SOX30: variants seen among roughly 807,000 people sequenced by gnomAD.
SOX30 encodes SRY-box transcription factor 30.
SOX30 carries 17 observed loss-of-function variants against 58.6 expected under a neutral mutation model. The ratio of observed to expected loss-of-function variants is 0.29; its 90% CI spans 0.20 to 0.44. The LOEUF (loss-of-function observed/expected upper bound fraction) is 0.44. Ranked by LOEUF, SOX30 falls within the 20% of genes least tolerant of loss-of-function variation. The pLI, the probability that SOX30 is intolerant of heterozygous loss-of-function variation, is 1.00. For synonymous variants in SOX30, 421 were observed against 400.2 expected, an observed-to-expected ratio of 1.05 and a Z score of -0.62; for missense variants, 951 against 965.8, an observed-to-expected ratio of 0.98 and a Z score of 0.20.
intron 2 of SOX30, among the ~76,000 whole-genome samples, chr5:157,662,827 T>A (rs1370246636): frequency 6.6e-6 from 1 of 152,220 alleles, no homozygotes; most frequent in African/African-American, 2.4e-5. Context: ...AACCTAGGTC[T>A]TCACAACCCT....
rs192793736 is a variant in SOX30 at position 157,638,437 on chromosome 5, G to A, written c.1673C>T (p.Ala558Val). The A allele has an allele frequency of 3.7e-6, 6 of 1,614,156 alleles. No homozygotes were observed. In the Admixed American group the frequency reaches 8.3e-5, roughly 22 times the overall value. Residue 558 changes from alanine to valine, a missense_variant, in exon 4 of 5, where the codon GCA becomes GTA. Around this residue, in one of 7 missense-constraint regions of SOX30, gnomAD observed 381 missense variants for 390.0 expected, o/e 0.98. Coordinates refer to ENST00000265007, the MANE Select transcript of SOX30 (RefSeq NM_178424.2). ...SSASTAHARFATSTIQPPREY... is the reference protein window; with the variant it reads ...SSASTAHARFVTSTIQPPREY... Reference sequence around the variant, plus strand: ...CCTAGGAGGTTGGATGGTCGAAGTTGCAAATCTGGCATGGGCAGTACTTGC... The same window carrying A: ...CCTAGGAGGTTGGATGGTCGAAGTTACAAATCTGGCATGGGCAGTACTTGC...
intron 3 of SOX30, 98 bp downstream of exon 3, chr5:157,646,539 C>T (rs1204642439): frequency 2.3e-6 from 2 of 880,612 alleles, no homozygotes; most frequent in African/African-American, 1.8e-5. Flanking sequence ...CATTGTTGTT[C>T]CAAATTCTTA....
At chr5:157,631,404 G>A (rs1053402610) in intron 4 of SOX30, among the ~76,000 whole-genome samples, 1 of 152,092 alleles carries the variant, frequency 6.6e-6, no homozygotes, top group Non-Finnish European at 1.5e-5. Context: ...TTCTATTCTT[G>A]AGCTTTGCTC....
At chr5:157,636,712 A>G (rs1758935297) in intron 4 of SOX30, among the ~76,000 whole-genome samples, 1 of 152,244 alleles carries the variant, frequency 6.6e-6, no homozygotes, top group Admixed American at 6.5e-5. Flanking sequence ...AGGTGTAGGT[A>G]TACCCTAATG....
intron 1 of SOX30, 106 bp from the exon 2 acceptor site, chr5:157,649,002 G>A: frequency 7.1e-7 from 1 of 1,415,790 alleles, no homozygotes; most frequent in Non-Finnish European, 9.4e-7. Flanking sequence ...GAAATATCTG[G>A]AGGAAATATA....
chr5:157,648,237 T>C (rs1022458388), intron 2 of SOX30, among the ~76,000 whole-genome samples: 1 of 152,198 alleles, frequency 6.6e-6, no homozygotes, highest in African/African-American at 2.4e-5. Context: ...CTGACAATCA[T>C]ATGTTAAAAT....
At chr5:157,671,479 A>G (rs554081740) in exon 1 of SOX30, 81 of 679,588 alleles carry the variant, frequency 1.2e-4, no homozygotes, top group African/African-American at 1.1e-3. Flanking sequence ...CGCAGCCAAT[A>G]TGTGTCTCCC....
At chr5:157,648,602 T>C in intron 2 of SOX30, 55 bp downstream of exon 2, 1 of 1,550,888 alleles carries the variant, frequency 6.4e-7, no homozygotes, top group Non-Finnish European at 8.8e-7. Context: ...TACCCTAATC[T>C]TTAACTAAAT....
intron 4 of SOX30, among the ~76,000 whole-genome samples, chr5:157,636,108 C>T (rs1046686620): frequency 3.3e-5 from 5 of 152,118 alleles, no homozygotes; most frequent in African/African-American, 1.2e-4. Flanking sequence ...GCTCTCAAAA[C>T]ACTAAAAAGA....
chr5:157,646,910 T>C, intron 2 of SOX30, 94 bp from the exon 3 acceptor site: 1 of 885,776 alleles, frequency 1.1e-6, no homozygotes, highest in East Asian at 2.5e-5. Flanking sequence ...TAAAGTGTTT[T>C]AAAAACAAAT....
chr5:157,639,905 T>C (rs1759023775), intron 3 of SOX30, among the ~76,000 whole-genome samples: 1 of 152,204 alleles, frequency 6.6e-6, no homozygotes, highest in African/African-American at 2.4e-5. Flanking sequence ...AATGCCCCTC[T>C]TAAAGCAGGA....
In SOX30 at chr5:157,671,048, T is replaced by C. The variant is rs1020001688; in HGVS notation, c.-4+282A>G. ...CTCGGTGTCAAGACCCCGCAGGAGATGGCGGATTCATTCAGGAAGCAGCCG... is the reference window on the plus strand; with the variant it reads ...CTCGGTGTCAAGACCCCGCAGGAGACGGCGGATTCATTCAGGAAGCAGCCG... On this transcript the variant is annotated intron_variant, in intron 1 of 5. Transcript: ENST00000519442. Among the ~76,000 whole-genome samples the C allele has an allele frequency of 9.2e-5, 14 of 152,130 alleles. 1 individual carries two copies. The highest frequency in any genetic ancestry group is 1.3e-4 in the Admixed American group (2 of 15,272).
intron 4 of SOX30, among the ~76,000 whole-genome samples, chr5:157,630,297 C>T (rs1379940120): frequency 6.6e-6 from 1 of 152,078 alleles, no homozygotes; most frequent in East Asian, 1.9e-4. Context: ...TCTCAGCTTC[C>T]TTGGGGATAG....
chr5:157,671,457 C>G (rs114950542), exon 1 of SOX30: 10 of 627,568 alleles, frequency 1.6e-5, no homozygotes, highest in African/African-American at 1.5e-4. Flanking sequence ...CAACAGCCCC[C>G]GTCCCCTTCC....
chr5:157,629,972 C>G (rs1758749850), intron 4 of SOX30, among the ~76,000 whole-genome samples: 1 of 152,058 alleles, frequency 6.6e-6, no homozygotes, highest in Admixed American at 6.5e-5. Flanking sequence ...TCCTTGTATC[C>G]TTCTTATATA....
At chr5:157,666,747 C>G (rs1171159059) in intron 2 of SOX30, among the ~76,000 whole-genome samples, 1 of 152,050 alleles carries the variant, frequency 6.6e-6, no homozygotes, top group East Asian at 1.9e-4. Context: ...GCTCTGGCGC[C>G]CAGGCTGGAG....
At chr5:157,670,943 C>A (rs1759767229) in intron 1 of SOX30, among the ~76,000 whole-genome samples, 1 of 152,106 alleles carries the variant, frequency 6.6e-6, no homozygotes, top group African/African-American at 2.4e-5. Context: ...TAAGAGTTAA[C>A]GAGAGCGAGG....
intron 2 of SOX30, among the ~76,000 whole-genome samples, chr5:157,661,878 G>C (rs1297098800): frequency 8.6e-6 from 1 of 116,382 alleles, no homozygotes; most frequent in Non-Finnish European, 1.6e-5. Context: ...AAAATGAGCT[G>C]TAAAGTGTCC....
intron 2 of SOX30, among the ~76,000 whole-genome samples, chr5:157,665,093 A>G (rs1759645930): frequency 6.6e-6 from 1 of 152,226 alleles, no homozygotes; most frequent in Admixed American, 6.5e-5. Context: ...CCATCCCATT[A>G]CTGGGTATAT....
Sources: gnomAD v4.1 joint callset for allele counts (sites outside exome capture counted in the v4.1 genomes callset) on GRCh38, gnomAD v4.1.1 for gene constraint, gnomAD v4.1.1 regional missense constraint, MANE v1.5 for transcripts, NCBI Gene and HGNC (gene_info 2026-07-23, HGNC 2026-07-21) for gene names.